The following ABCA13 variants were observed in gnomAD, a reference collection of about 807,000 sequenced individuals.
The protein encoded by ABCA13 is ATP binding cassette subfamily A member 13.
Under a neutral mutation model 478.7 loss-of-function variants are expected in ABCA13, and 476 were observed. That is an observed-to-expected ratio of 0.99 (90% CI 0.92 to 1.07). The LOEUF (loss-of-function observed/expected upper bound fraction) is 1.07. Ranked by LOEUF, ABCA13 falls within the 50% of genes least tolerant of loss-of-function variation. The pLI, the probability that ABCA13 is intolerant of heterozygous loss-of-function variation, is 0.00. For synonymous variants in ABCA13, 2,252 were observed against 2,158.9 expected (o/e 1.04, Z -1.20); for missense variants, 6,060 against 5,910.6 (o/e 1.03, Z -0.83).
intron 6 of ABCA13, among the ~76,000 whole-genome samples, chr7:48,228,523 A>T (rs763930979): frequency 6.6e-6 from 1 of 152,134 alleles, no homozygotes; most frequent in Non-Finnish European, 1.5e-5. Flanking sequence ...TGTAGGCTGG[A>T]GGACCTACCT....
chr7:48,383,540 C>G (rs1814720852), intron 35 of ABCA13, among the ~76,000 whole-genome samples: 1 of 152,216 alleles, frequency 6.6e-6, no homozygotes, highest in Non-Finnish European at 1.5e-5. Context: ...TGAAGGTGTT[C>G]AATGACTTCA....
At position 48,275,828 on chromosome 7, in the gene ABCA13, C is replaced by T. The variant is rs771843441; in HGVS notation, c.6162C>T (p.Asn2054=). ...SFIEKSETPY[N]FEELWPKFQQ... ...TTGAAAAAAGTGAAACACCTTACAA[C>T]TTTGAAGAACTATGGCCCAAGTTTC... Residue 2054 remains asparagine, a synonymous_variant, in exon 17 of 62, where the codon AAC becomes AAT. Coordinates refer to ENST00000435803, the MANE Select transcript of ABCA13 (RefSeq NM_152701.5). The T allele has an allele frequency of 6.2e-7, 1 of 1,612,938 alleles. No individual in the cohort carries two copies. Among genetic ancestry groups the T allele is most frequent in the African/African-American group, 1.3e-5 (1 of 74,902 alleles).
intron 55 of ABCA13, among the ~76,000 whole-genome samples, chr7:48,536,537 A>G (rs1328969649): frequency 2.0e-5 from 3 of 151,856 alleles, no homozygotes; most frequent in African/African-American, 4.8e-5. Flanking sequence ...AATCCCAGCT[A>G]CTCAGGAGGC....
intron 55 of ABCA13, among the ~76,000 whole-genome samples, chr7:48,571,075 T>C (rs1787599309): frequency 6.6e-6 from 1 of 152,164 alleles, no homozygotes; most frequent in African/African-American, 2.4e-5. Context: ...TTTATAAAAT[T>C]GTGTTTCTAC....
At chr7:48,217,701 T>G (rs572317374) in intron 3 of ABCA13, among the ~76,000 whole-genome samples, 1 of 152,300 alleles carries the variant, frequency 6.6e-6, no homozygotes, top group African/African-American at 2.4e-5. Flanking sequence ...AAGTGGGTCC[T>G]TCACAGAATT....
chr7:48,222,066 A>G (rs944596127), intron 5 of ABCA13, among the ~76,000 whole-genome samples: 3 of 152,238 alleles, frequency 2.0e-5, no homozygotes, highest in Non-Finnish European at 2.9e-5. Flanking sequence ...AAAATATGCC[A>G]TAAAACCATT....
At chr7:48,489,409 G>T (rs1829646418) in intron 48 of ABCA13, 65 bp downstream of exon 48, 1 of 1,384,354 alleles carries the variant, frequency 7.2e-7, no homozygotes, top group Non-Finnish European at 9.9e-7. Flanking sequence ...AAAAGTGAAA[G>T]AAACAGAAAA....
Position 48,645,677 on chromosome 7 carries a change from A to G in ABCA13, c.*165A>G, listed in dbSNP as rs1007899578. The G allele has an allele frequency of 9.6e-6, 6 of 626,380 alleles. No homozygotes were observed. The highest frequency in any genetic ancestry group is 2.5e-4 in the Middle Eastern group (1 of 4,026). The allele number at this position is 626,380 out of a possible 1,614,324, so 38.8% of individuals were successfully genotyped here. A position where few individuals can be genotyped will look rare whatever the true frequency, so the allele number is the denominator to read the frequency against. On this transcript the variant is annotated 3_prime_UTR_variant, in exon 62 of 62. Transcript: ENST00000435803. ...TTTTGAATCTCCTTGTTAGTTAATA[A>G]CCACCAAATGGAAAGGTCATTCTTT...
chr7:48,500,421 T>A (rs948778621), intron 48 of ABCA13, among the ~76,000 whole-genome samples: 11 of 152,072 alleles, frequency 7.2e-5, no homozygotes, highest in Admixed American at 6.6e-4. Flanking sequence ...TGTTCTTTCT[T>A]TATTCATTAC....
intron 43 of ABCA13, among the ~76,000 whole-genome samples, chr7:48,458,678 A>G (rs1825931630): frequency 6.6e-6 from 1 of 152,208 alleles, no homozygotes; most frequent in Admixed American, 6.5e-5. Flanking sequence ...CACAAACCAG[A>G]AGAAATGCAC....
intron 2 of ABCA13, among the ~76,000 whole-genome samples, chr7:48,194,694 G>C (rs1254060833): frequency 6.6e-6 from 1 of 152,154 alleles, no homozygotes; most frequent in Non-Finnish European, 1.5e-5. Flanking sequence ...CCAAAACAGT[G>C]TGTCAGTTAT....
chr7:48,394,033 G>A (rs2129058787), intron 38 of ABCA13, among the ~76,000 whole-genome samples: 1 of 152,294 alleles, frequency 6.6e-6, no homozygotes, highest in Non-Finnish European at 1.5e-5. Context: ...CCAGATCATG[G>A]TCTAGCTTCC....
At chr7:48,292,542 A>G (rs1346329741) in intron 20 of ABCA13, among the ~76,000 whole-genome samples, 1 of 152,064 alleles carries the variant, frequency 6.6e-6, no homozygotes, top group Non-Finnish European at 1.5e-5. Flanking sequence ...TCCGATTTCT[A>G]AGGGAGGCCA....
chr7:48,248,416 G>A lies in ABCA13; in HGVS notation c.1837G>A (p.Asp613Asn). 1.2e-6 allele frequency: 2 copies of A among 1,610,030 alleles called. No individual in the cohort carries two copies. The highest frequency in any genetic ancestry group is 1.7e-6 in the Non-Finnish European group (2 of 1,177,914). The stretch of plus-strand genomic sequence containing the variant: ...TCCTGAGAATGATGTCTTTTCTAGT[G>A]ACTGTAAGCACCAGCTTGTCTCCAC... ...PSPENDVFSS[D>N]CKHQLVSTVI... Residue 613 changes from aspartate (D) to asparagine (N), a missense_variant, in exon 14 of 62, where the codon GAC (aspartate) becomes AAC (asparagine). Physicochemically the swap from Asp to Asn is conservative, Grantham distance 23 (BLOSUM62 1). Around this residue, in one of 3 missense-constraint regions of ABCA13, gnomAD observed 4,423 missense variants for 4,309.1 expected, o/e 1.03. Coordinates refer to ENST00000435803, the MANE Select transcript of ABCA13 (RefSeq NM_152701.5).
At chr7:48,391,755 G>A (rs1215462520) in intron 37 of ABCA13, among the ~76,000 whole-genome samples, 166 bp from the exon 38 acceptor site, 7 of 151,826 alleles carry the variant, frequency 4.6e-5, no homozygotes. Flanking sequence ...ACCAGCCAAT[G>A]TACCCTCAAA....
At chr7:48,627,825 G>A (rs1392034877) in intron 59 of ABCA13, among the ~76,000 whole-genome samples, 2 of 152,194 alleles carry the variant, frequency 1.3e-5, no homozygotes, top group African/African-American at 4.8e-5. Context: ...AGACATATGA[G>A]TGCAAGCTAA....
intron 42 of ABCA13, among the ~76,000 whole-genome samples, chr7:48,451,057 G>T (rs1302492362): frequency 1.3e-5 from 2 of 149,130 alleles, no homozygotes; most frequent in African/African-American, 5.0e-5. Flanking sequence ...GAGTGCAGTG[G>T]CGTGATCTTG....
At chr7:48,596,824 T>C (rs540802887) in intron 58 of ABCA13, among the ~76,000 whole-genome samples, 171 of 151,690 alleles carry the variant, frequency 1.1e-3, no homozygotes, top group Non-Finnish European at 1.9e-3. Flanking sequence ...ACAAAAAAAT[T>C]AGCATTCAAA....
intron 59 of ABCA13, among the ~76,000 whole-genome samples, chr7:48,636,574 G>C (rs529351529): frequency 6.6e-6 from 1 of 152,186 alleles, no homozygotes; most frequent in African/African-American, 2.4e-5. Flanking sequence ...TTTTGAGCCT[G>C]TGCAGTCCTG....
Sources: allele counts gnomAD v4.1 joint callset (sites outside exome capture counted in the v4.1 genomes callset), GRCh38; gene constraint gnomAD v4.1.1; regional missense constraint gnomAD v4.1.1; transcripts MANE v1.5; gene names NCBI Gene and HGNC (gene_info 2026-07-23, HGNC 2026-07-21).